The following CFAP54 variants were observed in gnomAD, a reference collection of about 807,000 sequenced individuals.
CFAP54 encodes cilia- and flagella-associated protein 54.
CFAP54 carries 290 observed loss-of-function variants against 370.4 expected under a neutral mutation model. That is an observed-to-expected ratio of 0.78 (90% CI 0.71 to 0.86). The LOEUF (loss-of-function observed/expected upper bound fraction) is 0.86, where lower values mean the gene tolerates loss of function less well. Among genes scored for constraint, CFAP54 ranks in the 40% least tolerant of loss-of-function variants. CFAP54 has a pLI of 0.00. For synonymous variants in CFAP54, 1,206 were observed against 1,236.5 expected (o/e 0.98, Z 0.52); for missense variants, 3,399 against 3,528.7 (o/e 0.96, Z 0.93).
chr12:96,700,707 A>G (rs1957482437), intron 46 of CFAP54, among the ~76,000 whole-genome samples: 1 of 152,174 alleles, frequency 6.6e-6, no homozygotes, highest in Non-Finnish European at 1.5e-5. Context: ...AGAGGGAGCT[A>G]TTATTTTCCT....
chr12:96,672,976 G>C lies in CFAP54; in HGVS notation c.5564-6624G>C, dbSNP rs528803479. ...GTTAAAGTTACATTTGGAAAGGCAAGAGGGTGGCAGTGGGACAGAAGGGAA... is the reference window on the plus strand; with the variant it reads ...GTTAAAGTTACATTTGGAAAGGCAACAGGGTGGCAGTGGGACAGAAGGGAA... On this transcript the variant is annotated intron_variant, in intron 39 of 67. Transcript: ENST00000524981. Among the ~76,000 whole-genome samples, 8 of 152,314 alleles carry C rather than the reference G, an allele frequency of 5.3e-5. No individual in the cohort carries two copies. The East Asian group carries it at 1.5e-3, about 29-fold the overall frequency.
chr12:96,688,927 C>A lies in CFAP54; in HGVS notation c.6026C>A (p.Ser2009Ter), dbSNP rs1957357788. Residue 2009 changes from serine to a stop codon, truncating the protein, a stop_gained, in exon 43 of 68, where the codon TCA (serine) becomes TAA (stop). Transcript: ENST00000524981. LOFTEE classifies it high-confidence loss of function. ...TTATACTTACTTAGATTTATTAAGT[C>A]ATTGAATGTTGAAAAGAAAACTGAC... ...ISAKIAQFIKSLNVEKKTDCC... is the reference protein window; with the variant it reads ...ISAKIAQFIK 3 of 1,572,594 alleles carry A rather than the reference C, an allele frequency of 1.9e-6. No individual in the cohort carries two copies. Among genetic ancestry groups the A allele is most frequent in the South Asian group, 2.4e-5 (2 of 83,816 alleles).
intron 19 of CFAP54, among the ~76,000 whole-genome samples, chr12:96,570,166 G>A (rs1163219887): frequency 2.0e-5 from 3 of 151,906 alleles, no homozygotes; most frequent in African/African-American, 4.8e-5. Flanking sequence ...TAAAGATGCG[G>A]TTTTGTCATG....
chr12:96,693,805 C>G lies in CFAP54; in HGVS notation c.6348C>G (p.Leu2116=). The G allele has an allele frequency of 6.4e-7, 1 of 1,557,864 alleles. No homozygotes were observed. Among genetic ancestry groups the G allele is most frequent in the Non-Finnish European group, 8.8e-7 (1 of 1,132,652 alleles). Residue 2116 remains leucine (L), a synonymous_variant, in exon 45 of 68, where the codon CTC becomes CTG. Coordinates refer to ENST00000524981, the MANE Select transcript of CFAP54 (RefSeq NM_001306084.2). The stretch of plus-strand genomic sequence containing the variant: ...CAAGAAATCTAGAAGCAAGAATCCT[C>G]AAGGTATGTTACAAGCTTTTAAGAC... The part of the protein sequence containing the change: ...DITRNLEARI[L]KIEVLIDLRF...
At position 96,489,850 on chromosome 12, in the gene CFAP54, G is replaced by A; in HGVS notation, c.241G>A (p.Glu81Lys). ...LLASCEKEIQELLGFMRKKKA... is the reference protein window; with the variant it reads ...LLASCEKEIQKLLGFMRKKKA... ...GGCCTCTTGTGAGAAGGAGATCCAGGAGTTGTTAGGCTTTATGAGGAAAAA... is the reference window on the plus strand; with the variant it reads ...GGCCTCTTGTGAGAAGGAGATCCAGAAGTTGTTAGGCTTTATGAGGAAAAA... The change falls in exon 1 of 68, where the codon GAG (glutamate) becomes AAG (lysine). Residue 81 changes from glutamate (E) to lysine (K), a missense_variant. Glu to Lys is a moderately conservative substitution (Grantham distance 56). Coordinates refer to ENST00000524981, the MANE Select transcript of CFAP54 (RefSeq NM_001306084.2). 1.3e-6 allele frequency: 2 copies of A among 1,536,152 alleles called. No individual in the cohort carries two copies. Among genetic ancestry groups the A allele is most frequent in the Non-Finnish European group, 1.7e-6 (2 of 1,146,918 alleles).
chr12:96,622,249 A>G (rs1177000381), intron 27 of CFAP54, among the ~76,000 whole-genome samples: 1 of 152,008 alleles, frequency 6.6e-6, no homozygotes, highest in Non-Finnish European at 1.5e-5. Flanking sequence ...ACTTATGCTT[A>G]TTGCCTTTCC....
intron 14 of CFAP54, among the ~76,000 whole-genome samples, chr12:96,542,487 C>T (rs1477443750): frequency 6.6e-6 from 1 of 152,126 alleles, no homozygotes; most frequent in Non-Finnish European, 1.5e-5. Flanking sequence ...TTATGCAGAA[C>T]TTTAAATATA....
intron 66 of CFAP54, among the ~76,000 whole-genome samples, chr12:96,854,832 A>G (rs1456479261): frequency 3.9e-5 from 6 of 152,184 alleles, no homozygotes; most frequent in Non-Finnish European, 7.3e-5. Context: ...TTCGGAATAC[A>G]TGTGAAGGTT....
At chr12:96,853,192 G>A (rs537372724) in intron 66 of CFAP54, among the ~76,000 whole-genome samples, 2 of 151,882 alleles carry the variant, frequency 1.3e-5, no homozygotes, top group Admixed American at 6.6e-5. Flanking sequence ...GCCATCAACT[G>A]GAAAAATGAA....
intron 60 of CFAP54, among the ~76,000 whole-genome samples, chr12:96,783,393 T>G (rs1958598610): frequency 6.6e-6 from 1 of 152,246 alleles, no homozygotes; most frequent in Non-Finnish European, 1.5e-5. Flanking sequence ...TTTATCTTCC[T>G]TTTTTCGCTT....
chr12:96,874,288 T>A (rs1443035353), intron 67 of CFAP54, among the ~76,000 whole-genome samples: 2 of 152,200 alleles, frequency 1.3e-5, no homozygotes, highest in Non-Finnish European at 2.9e-5. Flanking sequence ...TTTTTACATT[T>A]CTAATATGCA....
intron 3 of CFAP54, among the ~76,000 whole-genome samples, chr12:96,506,459 T>A (rs1955101794): frequency 6.6e-6 from 1 of 151,876 alleles, no homozygotes; most frequent in South Asian, 2.1e-4. Flanking sequence ...TAAAGAAACC[T>A]ATCTTTTTTT....
intron 26 of CFAP54, among the ~76,000 whole-genome samples, chr12:96,610,785 C>T (rs998815629): frequency 6.6e-6 from 1 of 152,230 alleles, no homozygotes; most frequent in Non-Finnish European, 1.5e-5. Context: ...GAGCCTCACT[C>T]ATTGCTAGCA....
chr12:96,708,657 T>A lies in CFAP54; in HGVS notation c.6578T>A (p.Ile2193Asn). Residue 2193 changes from isoleucine to asparagine, a missense_variant, in exon 48 of 68, where the codon ATT (isoleucine) becomes AAT (asparagine). Physicochemically the swap from Ile to Asn is moderately radical, Grantham distance 149 (BLOSUM62 -3). Coordinates refer to ENST00000524981, the MANE Select transcript of CFAP54 (RefSeq NM_001306084.2). ...NKGLPAVLVTIGQPHLLNKFN... is the reference protein window; with the variant it reads ...NKGLPAVLVTNGQPHLLNKFN... ...GGCTTGCCTGCAGTTCTGGTTACAATTGGCCAACCACATCTCTTAAATAAG... is the reference window on the plus strand; with the variant it reads ...GGCTTGCCTGCAGTTCTGGTTACAAATGGCCAACCACATCTCTTAAATAAG... 1 of 1,611,036 alleles carries A rather than the reference T, an allele frequency of 6.2e-7. No homozygotes were observed. The highest frequency in any genetic ancestry group is 8.5e-7 in the Non-Finnish European group (1 of 1,179,304).
chr12:96,638,289 A>G (rs1956685674), intron 32 of CFAP54, among the ~76,000 whole-genome samples: 1 of 149,658 alleles, frequency 6.7e-6, no homozygotes, highest in Non-Finnish European at 1.5e-5. Flanking sequence ...GCTGGAGTGC[A>G]GTGGTACCAT....
At chr12:96,794,522 T>G (rs919803357) in intron 63 of CFAP54, among the ~76,000 whole-genome samples, 4 of 152,030 alleles carry the variant, frequency 2.6e-5, no homozygotes, top group African/African-American at 4.8e-5. Context: ...ACTTGTTCGA[T>G]TCTATTGTTG....
intron 5 of CFAP54, among the ~76,000 whole-genome samples, chr12:96,515,752 G>A (rs145664964): frequency 2.0e-5 from 3 of 152,082 alleles, no homozygotes; most frequent in African/African-American, 7.2e-5. Flanking sequence ...CATGTGCTAG[G>A]TCCTGTGAAA....
chr12:96,496,242 A>G (rs1388169741), intron 1 of CFAP54, among the ~76,000 whole-genome samples: 1 of 152,206 alleles, frequency 6.6e-6, no homozygotes, highest in African/African-American at 2.4e-5. Flanking sequence ...GAATTAATTG[A>G]CAGGTTTCTG....
intron 62 of CFAP54, among the ~76,000 whole-genome samples, chr12:96,791,278 CT>C (rs1958690721): frequency 6.6e-6 from 1 of 151,506 alleles, no homozygotes; most frequent in African/African-American, 2.4e-5. Context: ...TCAGAAGGTC[CT>C]TTTTTTAGAC....
Sources: allele counts gnomAD v4.1 joint callset (sites outside exome capture counted in the v4.1 genomes callset), GRCh38; gene constraint gnomAD v4.1.1; transcripts MANE v1.5; gene names NCBI Gene and HGNC (gene_info 2026-07-23, HGNC 2026-07-21).